Variants in EPM2A observed in about 807,000 individuals in gnomAD.
EPM2A encodes the protein laforin.
EPM2A carries 21 observed loss-of-function variants against 26.5 expected under a neutral mutation model. The observed-to-expected ratio is 0.79, with a 90% CI of 0.56 to 1.14. The LOEUF is 1.14. Among genes scored for constraint, EPM2A ranks in the 50% most tolerant of loss-of-function variants. The pLI is 0.00. For synonymous variants in EPM2A, 217 were observed against 177.6 expected (o/e 1.22, Z -1.76); for missense variants, 458 against 440.8 (o/e 1.04, Z -0.35).
chr6:145,611,450 A>G (rs999321638), intron 2 of EPM2A, among the ~76,000 whole-genome samples: 5 of 152,008 alleles, frequency 3.3e-5, no homozygotes, highest in African/African-American at 1.2e-4. Context: ...CTTTCCACTC[A>G]TCAGCTTAAT....
intron 2 of EPM2A, among the ~76,000 whole-genome samples, chr6:145,579,650 T>A (rs905979239): frequency 1.3e-5 from 2 of 152,224 alleles, no homozygotes; most frequent in African/African-American, 4.8e-5. Flanking sequence ...TATATGCCTT[T>A]AAATGAAATA....
rs11327111 is a variant in EPM2A, at chr6:145,537,581, G to GT, written c.341-35007dup. On this transcript the variant is annotated intron_variant, in intron 2 of 3. Transcript: ENST00000450221. ...GAAGGCAGATGTTGTCCTACAAGAG[G>GT]TTTTTTTTTTTTTTTTTTTTAACTT... 4.1e-3 allele frequency among the ~76,000 whole-genome samples: 542 copies of GT among 133,104 alleles called. 4 individuals are homozygous for GT. Among genetic ancestry groups the GT allele is most frequent in the African/African-American group, 8.1e-3 (293 of 36,254 alleles). The allele number at this position is 133,104 out of a possible 152,430, so 87.3% of individuals were successfully genotyped here.
rs377074086 is a variant in EPM2A, at chr6:145,671,327, G to A, written c.476+14795C>T. The A allele has an allele frequency of 1.6e-4, 164 of 1,008,190 alleles. No individual in the cohort carries two copies. In the African/African-American group the frequency reaches 2.4e-3, roughly 15 times the overall value. The allele number at this position is 1,008,190 out of a possible 1,614,324, so 62.5% of individuals were successfully genotyped here. A position where few individuals can be genotyped will look rare whatever the true frequency, so the allele number is the denominator to read the frequency against. ...AGCTGGACTCTTGAGTTGAATGTAC[G>A]TCTTGAGCTACAAAAATGAGGGAAA... On this transcript the variant is annotated intron_variant, in intron 2 of 3. Transcript: ENST00000367519.
At chr6:145,488,516 T>TGACAGA (rs1216389057) in intron 4 of EPM2A, among the ~76,000 whole-genome samples, 57 of 131,746 alleles carry the variant, frequency 4.3e-4, no homozygotes, top group African/African-American at 1.8e-3. Flanking sequence ...TGTGTGTGTG[T>TGACAGA]GTGTGTGAGA....
At chr6:145,451,066 G>C (rs962755948) in intron 4 of EPM2A, among the ~76,000 whole-genome samples, 4 of 152,122 alleles carry the variant, frequency 2.6e-5, no homozygotes, top group Admixed American at 1.3e-4. Context: ...TTCAAGAAAA[G>C]CAACTGGTAG....
chr6:145,412,632 A>G (rs1206936750), intron 4 of EPM2A, among the ~76,000 whole-genome samples: 1 of 152,180 alleles, frequency 6.6e-6, no homozygotes, highest in Admixed American at 6.5e-5. Context: ...ATCTTTTCAG[A>G]TTCACATTTT....
At chr6:145,428,426 C>T (rs1210146960) in intron 4 of EPM2A, among the ~76,000 whole-genome samples, 1 of 152,178 alleles carries the variant, frequency 6.6e-6, no homozygotes, top group Admixed American at 6.5e-5. Flanking sequence ...AGCTGAACCA[C>T]TCCTTCCCAA....
intron 2 of EPM2A, among the ~76,000 whole-genome samples, chr6:145,547,468 A>G (rs973126839): frequency 1.3e-5 from 2 of 152,134 alleles, no homozygotes; most frequent in African/African-American, 4.8e-5. Context: ...CTGACCACAC[A>G]ATATGTGCAT....
At chr6:145,531,267 C>T (rs1417021050) in intron 2 of EPM2A, among the ~76,000 whole-genome samples, 3 of 152,086 alleles carry the variant, frequency 2.0e-5, no homozygotes, top group Non-Finnish European at 4.4e-5. Flanking sequence ...TGACTCAAAG[C>T]CTTTGTCATT....
At chr6:145,443,024 C>A (rs1276926884) in intron 4 of EPM2A, among the ~76,000 whole-genome samples, 3 of 151,202 alleles carry the variant, frequency 2.0e-5, no homozygotes, top group Non-Finnish European at 4.4e-5. Flanking sequence ...CCACGCCCGG[C>A]TAATTTTTGT....
At chr6:145,418,296 T>A (rs944362820) in intron 4 of EPM2A, among the ~76,000 whole-genome samples, 41 of 152,340 alleles carry the variant, frequency 2.7e-4, no homozygotes, top group African/African-American at 9.6e-4. Flanking sequence ...GCTAAGTGTG[T>A]CCTGCTCAGT....
intron 2 of EPM2A, among the ~76,000 whole-genome samples, chr6:145,543,578 G>T (rs551107362): frequency 1.5e-3 from 224 of 152,012 alleles, no homozygotes; most frequent in African/African-American, 4.9e-3. Context: ...ATCAAAACAG[G>T]GTCTTTAATA....
At chr6:145,689,014 T>G in intron 1 of EPM2A, among the ~76,000 whole-genome samples, 1 of 152,224 alleles carries the variant, frequency 6.6e-6, no homozygotes. Flanking sequence ...CTTACAACAA[T>G]TGAATTATTA....
intron 4 of EPM2A, among the ~76,000 whole-genome samples, chr6:145,460,719 T>C (rs1779319343): frequency 2.6e-5 from 4 of 152,158 alleles, no homozygotes; most frequent in Admixed American, 2.6e-4. Context: ...CTAGACCACT[T>C]ACTTGATTAG....
intron 2 of EPM2A, among the ~76,000 whole-genome samples, chr6:145,530,863 G>C (rs569487817): frequency 5.3e-5 from 8 of 152,268 alleles, no homozygotes; most frequent in African/African-American, 1.9e-4. Flanking sequence ...CAAGCCTCTG[G>C]ATTTTGCTGT....
chr6:145,730,135 T>A (rs9497401), intron 1 of EPM2A, among the ~76,000 whole-genome samples: 1 of 151,984 alleles, frequency 6.6e-6, no homozygotes, highest in African/African-American at 2.4e-5. Context: ...GTACAGCTTG[T>A]GAAACCATGA....
At chr6:145,458,860 C>T (rs1368286436) in intron 4 of EPM2A, among the ~76,000 whole-genome samples, 1 of 150,762 alleles carries the variant, frequency 6.6e-6, no homozygotes, top group Non-Finnish European at 1.5e-5. Flanking sequence ...CAAAAATGTG[C>T]CAAATATACA....
chr6:145,604,035 T>C (rs1781451850), intron 2 of EPM2A, among the ~76,000 whole-genome samples: 1 of 152,126 alleles, frequency 6.6e-6, no homozygotes, highest in Non-Finnish European at 1.5e-5. Context: ...TTGGGGTACA[T>C]TTGAAGATGT....
intron 2 of EPM2A, among the ~76,000 whole-genome samples, chr6:145,557,227 G>A (rs1780739215): frequency 6.6e-6 from 1 of 152,042 alleles, no homozygotes; most frequent in Admixed American, 6.6e-5. Context: ...ACCATTGGCT[G>A]AAATATAAGC....
Sources: gnomAD v4.1 joint callset for allele counts (sites outside exome capture counted in the v4.1 genomes callset) on GRCh38, gnomAD v4.1.1 for gene constraint, MANE v1.5 for transcripts, NCBI Gene and HGNC (gene_info 2026-07-23, HGNC 2026-07-21) for gene names.